The following LRMDA variants were observed in gnomAD, a reference collection of about 807,000 sequenced individuals.
The protein encoded by LRMDA is leucine rich melanocyte differentiation associated.
Under a neutral mutation model 29.8 loss-of-function variants are expected in LRMDA, and 18 were observed. The ratio of observed to expected loss-of-function variants is 0.60; its 90% confidence interval spans 0.42 to 0.90. LRMDA has a LOEUF of 0.90. LRMDA is among the 40% of genes least tolerant of loss of function. The probability of loss-of-function intolerance (pLI) is 0.00; values close to 1 mark genes in which losing one functional copy is unlikely to be tolerated. For missense variants in LRMDA, 273 were observed against 273.9 expected (o/e 1.00, Z 0.02); for synonymous variants, 125 against 109.4 (o/e 1.14, Z -0.89).
At chr10:76,150,279 C>T (rs761975483) in intron 5 of LRMDA, among the ~76,000 whole-genome samples, 1 of 152,234 alleles carries the variant, frequency 6.6e-6, no homozygotes, top group Non-Finnish European at 1.5e-5. Flanking sequence ...CAGGCCTTGT[C>T]AAAGGCTGGG....
At chr10:76,413,263 T>G (rs191769613) in intron 6 of LRMDA, among the ~76,000 whole-genome samples, 17 of 152,330 alleles carry the variant, frequency 1.1e-4, no homozygotes, top group Admixed American at 3.9e-4. Context: ...CTCTGACTTT[T>G]GCATGAGCCA....
intron 5 of LRMDA, among the ~76,000 whole-genome samples, chr10:76,268,642 A>T (rs943938039): frequency 1.3e-5 from 2 of 152,234 alleles, no homozygotes; most frequent in Admixed American, 1.3e-4. Context: ...AAATGGCAGT[A>T]AATCAGAAAA....
chr10:76,554,521 T>G (rs766998921), intron 6 of LRMDA, among the ~76,000 whole-genome samples: 1 of 152,244 alleles, frequency 6.6e-6, no homozygotes, highest in Non-Finnish European at 1.5e-5. Flanking sequence ...TTGCCTCATT[T>G]TCCAAGTGCT....
At chr10:76,203,718 A>C (rs555349894) in intron 5 of LRMDA, among the ~76,000 whole-genome samples, 1 of 143,496 alleles carries the variant, frequency 7.0e-6, no homozygotes, top group Non-Finnish European at 1.5e-5. Flanking sequence ...GTACTTGTCC[A>C]CCCATCTCTC....
At chr10:76,191,799 TAA>T (rs762689177) in intron 5 of LRMDA, among the ~76,000 whole-genome samples, 14 of 152,196 alleles carry the variant, frequency 9.2e-5, no homozygotes, top group Non-Finnish European at 1.6e-4. Context: ...AGATTATTTA[TAA>T]GTGATGTATC....
chr10:76,088,649 T>A (rs895805164), intron 5 of LRMDA, among the ~76,000 whole-genome samples: 5 of 152,228 alleles, frequency 3.3e-5, no homozygotes, highest in Non-Finnish European at 7.3e-5. Context: ...AGCCCATTCC[T>A]TATGGGTTTG....
chr10:76,480,147 T>C (rs1266381867), intron 6 of LRMDA, among the ~76,000 whole-genome samples: 3 of 151,996 alleles, frequency 2.0e-5, no homozygotes, highest in African/African-American at 7.2e-5. Context: ...TCTTCTTTTT[T>C]GACTTCTCAA....
rs1031003426 is a variant in LRMDA at position 76,261,811 on chromosome 10, A to G, written c.517-62590A>G. On this transcript the variant is annotated intron_variant, in intron 5 of 6. Transcript: ENST00000611255. ...TTTCTGCAGGATGAACCCGTCATAT[A>G]AACTCATTGATGTGCCACATGTGCA... Among the ~76,000 whole-genome samples the G allele has an allele frequency of 3.9e-5, 6 of 152,240 alleles. No homozygotes were observed. In the South Asian group the frequency reaches 6.2e-4, roughly 16 times the overall value.
At chr10:75,588,711 A>C (rs1237631796) in intron 2 of LRMDA, among the ~76,000 whole-genome samples, 5 of 152,164 alleles carry the variant, frequency 3.3e-5, no homozygotes, top group Admixed American at 1.3e-4. Flanking sequence ...TTTTCCTCCC[A>C]TTCTGTTCCC....
chr10:76,463,713 C>G (rs964416272), intron 6 of LRMDA, among the ~76,000 whole-genome samples: 1 of 152,082 alleles, frequency 6.6e-6, no homozygotes, highest in African/African-American at 2.4e-5. Context: ...TTCACTCAGT[C>G]TCTTCTGCTT....
intron 6 of LRMDA, among the ~76,000 whole-genome samples, chr10:76,539,931 A>T (rs1843333966): frequency 6.6e-6 from 1 of 152,054 alleles, no homozygotes; most frequent in African/African-American, 2.4e-5. Context: ...CTGACAGGTA[A>T]TCAAGAATTG....
intron 2 of LRMDA, among the ~76,000 whole-genome samples, chr10:75,565,007 CT>C (rs1361103917): frequency 6.6e-6 from 1 of 152,128 alleles, no homozygotes; most frequent in African/African-American, 2.4e-5. Flanking sequence ...TTTAATATCC[CT>C]TGGGTCCTCT....
At chr10:76,081,011 C>T (rs749485158) in intron 5 of LRMDA, among the ~76,000 whole-genome samples, 12 of 152,162 alleles carry the variant, frequency 7.9e-5, no homozygotes, top group East Asian at 5.8e-4. Flanking sequence ...TTGTGTTCAG[C>T]GCTTTCACTA....
At chr10:76,358,004 C>T (rs1357440032) in intron 6 of LRMDA, among the ~76,000 whole-genome samples, 1 of 152,154 alleles carries the variant, frequency 6.6e-6, no homozygotes, top group Non-Finnish European at 1.5e-5. Flanking sequence ...GCCTGTTTGA[C>T]AACAAAGTCC....
chr10:75,992,662 T>G (rs1847392288), intron 2 of LRMDA, among the ~76,000 whole-genome samples: 1 of 152,140 alleles, frequency 6.6e-6, no homozygotes, highest in Non-Finnish European at 1.5e-5. Context: ...AAATTTTGCC[T>G]CTCTTGTCCC....
At chr10:75,900,536 G>A (rs896344323) in intron 2 of LRMDA, among the ~76,000 whole-genome samples, 1 of 152,208 alleles carries the variant, frequency 6.6e-6, no homozygotes, top group Non-Finnish European at 1.5e-5. Context: ...CTAGATTGGG[G>A]GAGGGGAAGG....
intron 2 of LRMDA, among the ~76,000 whole-genome samples, chr10:76,003,593 C>T (rs897713892): frequency 4.6e-5 from 7 of 151,990 alleles, no homozygotes; most frequent in Non-Finnish European, 8.8e-5. Flanking sequence ...TTAGTAGTCC[C>T]GGGTGGAAGT....
intron 2 of LRMDA, chr10:75,782,939 C>G: frequency 6.2e-7 from 1 of 1,613,308 alleles, no homozygotes; most frequent in East Asian, 2.2e-5. Flanking sequence ...GTGTAGCCAT[C>G]AAGAATTTGA....
intron 2 of LRMDA, among the ~76,000 whole-genome samples, chr10:75,470,285 A>G (rs74360263): frequency 6.6e-6 from 1 of 152,152 alleles, no homozygotes; most frequent in East Asian, 1.9e-4. Flanking sequence ...TCACTTGAGG[A>G]CAGGAATTTG....
Sources: gnomAD v4.1 joint callset for allele counts (sites outside exome capture counted in the v4.1 genomes callset) on GRCh38, gnomAD v4.1.1 for gene constraint, MANE v1.5 for transcripts, NCBI Gene and HGNC (gene_info 2026-07-23, HGNC 2026-07-21) for gene names.